TXNRD3: variants seen among roughly 807,000 people sequenced by gnomAD.
The protein encoded by TXNRD3 is TXNRD3 neighbor gene protein.
TXNRD3 carries 68 observed loss-of-function variants against 78.2 expected under a neutral mutation model. That is an observed-to-expected ratio of 0.87 (90% confidence interval 0.72 to 1.06). The LOEUF is 1.06. Ranked by LOEUF, TXNRD3 falls within the 50% of genes least tolerant of loss-of-function variation. The probability of loss-of-function intolerance (pLI) is 0.00; values close to 1 mark genes in which losing one functional copy is unlikely to be tolerated. For missense variants in TXNRD3, 751 were observed against 809.5 expected, an observed-to-expected ratio of 0.93 and a Z score of 0.88; for synonymous variants, 296 against 300.1, an observed-to-expected ratio of 0.99 and a Z score of 0.14.
chr3:126,619,959 T>C (rs1576283360), intron 12 of TXNRD3, among the ~76,000 whole-genome samples: 1 of 152,118 alleles, frequency 6.6e-6, no homozygotes. Flanking sequence ...CCACATGTAC[T>C]GAAGCGTCAA....
chr3:126,609,347 C>G (rs1333322677), intron 14 of TXNRD3: 1 of 200,916 alleles, frequency 5.0e-6, no homozygotes, highest in Non-Finnish European at 1.1e-5. Context: ...GAAAAAGCAA[C>G]AGCTCAGAAC....
chr3:126,643,243 T>C (rs1240093390), intron 5 of TXNRD3, among the ~76,000 whole-genome samples: 1 of 152,224 alleles, frequency 6.6e-6, no homozygotes, highest in East Asian at 1.9e-4. Context: ...ATCAGTCTTA[T>C]GGAGCGTACA....
intron 10 of TXNRD3, among the ~76,000 whole-genome samples, chr3:126,628,820 CAT>C (rs1491174838): frequency 6.6e-6 from 1 of 152,054 alleles, no homozygotes; most frequent in Admixed American, 6.6e-5. Context: ...GGTTTTGTTA[CAT>C]GTTTTTTTGC....
rs190930532 is a variant in TXNRD3, at chr3:126,641,925, A to C, written c.712+107T>G. The C allele has an allele frequency of 1.8e-3, 2,346 of 1,312,968 alleles. 2 individuals carry two copies. Among genetic ancestry groups the C allele is most frequent in the Non-Finnish European group, 2.2e-3 (2,142 of 992,282 alleles). The allele number at this position is 1,312,968 out of a possible 1,614,324, so 81.3% of individuals were successfully genotyped here. A position where few individuals can be genotyped will look rare whatever the true frequency, so the allele number is the denominator to read the frequency against. Reference sequence around the variant, plus strand: ...CACAGTAGCTTCCTAATGAATGTTCATTAAATGAATTACGAACTCAACTAT... The same window carrying C: ...CACAGTAGCTTCCTAATGAATGTTCCTTAAATGAATTACGAACTCAACTAT... On this transcript the variant is annotated intron_variant, in intron 6 of 15. Coordinates refer to ENST00000524230, the MANE Select transcript of TXNRD3 (RefSeq NM_052883.3).
rs1938293318 is a variant in TXNRD3 at position 126,615,349 on chromosome 3, T to C, written c.1632+6A>G. 1 of 1,366,422 alleles carries C rather than the reference T, an allele frequency of 7.3e-7. No individual in the cohort carries two copies. The highest frequency in any genetic ancestry group is 9.7e-7 in the Non-Finnish European group (1 of 1,028,278). 84.6% of individuals were successfully genotyped at this position (1,366,422 alleles called of 1,614,324 possible). ...TTTTTAAGGAAGTAATAAAACACAA[T>C]CTTACTTCTAGATTCTCTTTTTTAT... On this transcript the variant is annotated splice_donor_region_variant and intron_variant, in intron 13 of 15. Coordinates refer to ENST00000524230, the MANE Select transcript of TXNRD3 (RefSeq NM_052883.3).
At chr3:126,627,523 T>A (rs959068402) in intron 10 of TXNRD3, among the ~76,000 whole-genome samples, 1 of 152,230 alleles carries the variant, frequency 6.6e-6, no homozygotes, top group African/African-American at 2.4e-5. Context: ...ACCTAGGATC[T>A]GTGGATTTCA....
chr3:126,611,056 A>T lies in TXNRD3; in HGVS notation c.1709T>A (p.Ile570Asn), dbSNP rs1938188194. The change falls in exon 14 of 16, where the codon ATC (isoleucine) becomes AAC (asparagine). Residue 570 changes from isoleucine (I) to asparagine (N), a missense_variant. Transcript: ENST00000524230. ...ACATACATGGTCGAATTTATTGCAGATTATCTTTGCATAACAAGTGTTGTT... is the reference window on the plus strand; with the variant it reads ...ACATACATGGTCGAATTTATTGCAGTTTATCTTTGCATAACAAGTGTTGTT... The T allele has an allele frequency of 1.3e-6, 2 of 1,520,428 alleles. No individual in the cohort carries two copies. Among genetic ancestry groups the T allele is most frequent in the Non-Finnish European group, 1.8e-6 (2 of 1,138,702 alleles). The allele number at this position is 1,520,428 out of a possible 1,614,324, so 94.2% of individuals were successfully genotyped here.
chr3:126,631,939 A>T, intron 7 of TXNRD3, 60 bp from the exon 8 acceptor site: 1 of 1,117,958 alleles, frequency 8.9e-7, no homozygotes, highest in South Asian at 1.3e-5. Context: ...GACACCCTGG[A>T]CAAAATAGTT....
Position 126,655,095 on chromosome 3 carries a change from TG to T in TXNRD3, c.-106del. ...GAGGGGCGGCGAACGCTGCCCTCGC[TG>T]GCCACTCTCACCACCCGCGCGAATC... On this transcript the variant is annotated 5_prime_UTR_variant, in exon 1 of 16. Transcript: ENST00000524230. 7.7e-7 allele frequency: 1 copy of T among 1,302,910 alleles called. No individual in the cohort carries two copies. Among genetic ancestry groups the T allele is most frequent in the South Asian group, 2.0e-5 (1 of 48,794 alleles). 80.7% of individuals were successfully genotyped at this position (1,302,910 alleles called of 1,614,324 possible). A position where few individuals can be genotyped will look rare whatever the true frequency, so the allele number is the denominator to read the frequency against.
Position 126,654,915 on chromosome 3 carries a change from G to C in TXNRD3, c.76C>G (p.Arg26Gly), listed in dbSNP as rs1466437046. 2 of 1,295,130 alleles carry C rather than the reference G, an allele frequency of 1.5e-6. No individual in the cohort carries two copies. Among genetic ancestry groups the C allele is most frequent in the South Asian group, 2.5e-5 (1 of 40,070 alleles). The allele number at this position is 1,295,130 out of a possible 1,614,324, so 80.2% of individuals were successfully genotyped here. ...GGCGGCGACAACACGCGCGCCCCTC[G>C]GACATGGCCCGAGCGGCGGTTGGGG... The change falls in exon 1 of 16, where the codon CGA becomes GGA. Residue 26 changes from arginine (R) to glycine (G), a missense_variant. Transcript: ENST00000524230.
chr3:126,626,585 A>G (rs1213333114), intron 10 of TXNRD3, among the ~76,000 whole-genome samples: 1 of 152,238 alleles, frequency 6.6e-6, no homozygotes, highest in Admixed American at 6.5e-5. Flanking sequence ...TAAAGTTATA[A>G]GATACCTCTA....
intron 10 of TXNRD3, among the ~76,000 whole-genome samples, chr3:126,623,666 C>T (rs4021851): frequency 0.48 from 72,315 of 151,762 alleles, 18,822 homozygotes; most frequent in East Asian, 0.63. Flanking sequence ...TTAAAATCTT[C>T]GGAATAAAAG....
At chr3:126,642,811 C>G (rs1933126499) in intron 5 of TXNRD3, among the ~76,000 whole-genome samples, 1 of 152,164 alleles carries the variant, frequency 6.6e-6, no homozygotes, top group African/African-American at 2.4e-5. Context: ...TAGGCTATAA[C>G]TTTCTGAGTA....
rs1440646655 is a variant in TXNRD3 at position 126,642,138 on chromosome 3, AG to A, written c.605del (p.Thr202IlefsTer3). The A allele has an allele frequency of 3.9e-6, 6 of 1,535,652 alleles. No individual in the cohort carries two copies. Among genetic ancestry groups the A allele is most frequent in the Non-Finnish European group, 5.2e-6 (6 of 1,146,718 alleles). ...TAGGAATACAACCTACATTTACACAAGTGCCACCAAGACCTGAGGAAGAAAA... is the reference window on the plus strand; with the variant it reads ...TAGGAATACAACCTACATTTACACAATGCCACCAAGACCTGAGGAAGAAAA... On this transcript the variant is annotated frameshift_variant, in exon 6 of 16. Transcript: ENST00000524230. LOFTEE classifies it high-confidence loss of function.
At chr3:126,614,581 T>G (rs1178100719) in intron 13 of TXNRD3, among the ~76,000 whole-genome samples, 1 of 152,166 alleles carries the variant, frequency 6.6e-6, no homozygotes, top group Admixed American at 6.5e-5. Context: ...AAAATGTAAA[T>G]TTCAAAAATA....
chr3:126,608,688 G>A (rs1169947225), intron 14 of TXNRD3, 55 bp from the exon 15 acceptor site: 7 of 1,477,608 alleles, frequency 4.7e-6, no homozygotes, highest in Non-Finnish European at 6.3e-6. Context: ...GTCTGAATAT[G>A]GATCCATTCA....
chr3:126,611,090 C>A lies in TXNRD3; in HGVS notation c.1675G>T (p.Gly559Cys), dbSNP rs1273930179. The change falls in exon 14 of 16, where the codon GGC (glycine) becomes TGC (cysteine). Residue 559 changes from glycine to cysteine, a missense_variant. Gly to Cys is a radical substitution (Grantham distance 159). Coordinates refer to ENST00000524230, the MANE Select transcript of TXNRD3 (RefSeq NM_052883.3). The stretch of plus-strand genomic sequence containing the variant: ...GCATAACAAGTGTTGTTCTCTCTGC[C>A]AGCTACTGTCCATTCAAGAGGCCAG... 10 of 1,528,258 alleles carry A rather than the reference C, an allele frequency of 6.5e-6. No homozygotes were observed. The highest frequency in any genetic ancestry group is 8.8e-6 in the Non-Finnish European group (10 of 1,142,694). 94.7% of individuals were successfully genotyped at this position (1,528,258 alleles called of 1,614,324 possible).
chr3:126,649,121 A>C (rs1191512368), intron 1 of TXNRD3, among the ~76,000 whole-genome samples: 1 of 152,220 alleles, frequency 6.6e-6, no homozygotes. Flanking sequence ...TCTGGATTAT[A>C]TAGAGAACTC....
chr3:126,624,873 G>T, intron 10 of TXNRD3: 1 of 214,498 alleles, frequency 4.7e-6, no homozygotes, highest in South Asian at 8.4e-5. Context: ...TCTAGGATGT[G>T]GCTGTGGAGT....
Sources: gnomAD v4.1 joint callset for allele counts (sites outside exome capture counted in the v4.1 genomes callset) on GRCh38, gnomAD v4.1.1 for gene constraint, MANE v1.5 for transcripts, NCBI Gene and HGNC (gene_info 2026-07-23, HGNC 2026-07-21) for gene names.